Variants in LRMDA observed in about 807,000 individuals in gnomAD.
LRMDA encodes leucine-rich melanocyte differentiation-associated protein.
A neutral mutation model predicts 29.8 loss-of-function variants in LRMDA; 18 were observed. The ratio of observed to expected loss-of-function variants is 0.60; its 90% CI spans 0.42 to 0.90. The LOEUF (loss-of-function observed/expected upper bound fraction) is 0.90. LRMDA is among the 40% of genes least tolerant of loss of function. LRMDA has a pLI of 0.00. For synonymous variants in LRMDA, 125 were observed against 109.4 expected (o/e 1.14, Z -0.89); for missense variants, 273 against 273.9 (o/e 1.00, Z 0.02).
chr10:76,293,340 A>G (rs1840373130), intron 5 of LRMDA, among the ~76,000 whole-genome samples: 1 of 152,164 alleles, frequency 6.6e-6, no homozygotes, highest in Non-Finnish European at 1.5e-5. Flanking sequence ...CTTTAGCCCC[A>G]TGTCTGTAAA....
chr10:75,464,449 A>G (rs1374166123), intron 2 of LRMDA, among the ~76,000 whole-genome samples: 13 of 152,220 alleles, frequency 8.5e-5, no homozygotes. Flanking sequence ...CTGTATGCTT[A>G]GGGTTGGGCA....
At chr10:76,444,373 G>A (rs1396422590) in intron 6 of LRMDA, among the ~76,000 whole-genome samples, 1 of 152,284 alleles carries the variant, frequency 6.6e-6, no homozygotes, top group Non-Finnish European at 1.5e-5. Flanking sequence ...CAAAGGCTAT[G>A]GTAGAAGTGA....
At chr10:75,603,179 GT>G (rs397972323) in intron 2 of LRMDA, among the ~76,000 whole-genome samples, 278 of 143,530 alleles carry the variant, frequency 1.9e-3, no homozygotes, top group Middle Eastern at 0.011. Flanking sequence ...TCATCTTAAA[GT>G]TTTTTTTTTT....
intron 2 of LRMDA, among the ~76,000 whole-genome samples, chr10:75,714,030 C>A (rs1396274440): frequency 3.3e-5 from 5 of 152,130 alleles, no homozygotes; most frequent in Non-Finnish European, 7.4e-5. Flanking sequence ...TCCATAAAGT[C>A]TCCCTCCAAA....
chr10:76,019,813 T>G (rs1847939846), intron 2 of LRMDA, among the ~76,000 whole-genome samples: 1 of 152,194 alleles, frequency 6.6e-6, no homozygotes, highest in Admixed American at 6.5e-5. Context: ...CCAGTGGTTC[T>G]TTTACTGCAG....
intron 2 of LRMDA, among the ~76,000 whole-genome samples, chr10:75,646,495 A>G (rs568177527): frequency 2.0e-5 from 3 of 152,326 alleles, no homozygotes; most frequent in South Asian, 2.1e-4. Flanking sequence ...GCGAAGAGAT[A>G]TATTTAGTAC....
At chr10:76,301,384 T>A (rs1417002873) in intron 5 of LRMDA, among the ~76,000 whole-genome samples, 1 of 152,202 alleles carries the variant, frequency 6.6e-6, no homozygotes, top group Non-Finnish European at 1.5e-5. Context: ...ACAGAACAGA[T>A]CTTGGTAATG....
intron 2 of LRMDA, among the ~76,000 whole-genome samples, chr10:75,478,284 C>T (rs963161876): frequency 6.6e-6 from 1 of 152,312 alleles, no homozygotes; most frequent in Non-Finnish European, 1.5e-5. Context: ...CTTTGGAAAC[C>T]TAACCTCAGG....
chr10:76,218,680 C>T (rs1851772317), intron 5 of LRMDA, among the ~76,000 whole-genome samples: 1 of 152,140 alleles, frequency 6.6e-6, no homozygotes, highest in South Asian at 2.1e-4. Flanking sequence ...CCAGCCCCAC[C>T]TGGGAGGTGT....
At chr10:75,828,156 G>A (rs1164366941) in intron 2 of LRMDA, among the ~76,000 whole-genome samples, 1 of 152,110 alleles carries the variant, frequency 6.6e-6, no homozygotes, top group African/African-American at 2.4e-5. Context: ...GGTTTGAGAG[G>A]ATACTGCTCC....
At chr10:75,933,440 G>A (rs1846236422) in intron 2 of LRMDA, among the ~76,000 whole-genome samples, 1 of 152,194 alleles carries the variant, frequency 6.6e-6, no homozygotes, top group African/African-American at 2.4e-5. Flanking sequence ...TGGCTAAATT[G>A]TAGTCTTTGC....
chr10:76,471,315 T>C (rs1358953003), intron 6 of LRMDA, among the ~76,000 whole-genome samples: 2 of 151,820 alleles, frequency 1.3e-5, no homozygotes, highest in Non-Finnish European at 3.0e-5. Flanking sequence ...AGGAGGAAGA[T>C]GGAACAGAGC....
At position 76,363,157 on chromosome 10, in the gene LRMDA, GA is replaced by G. The variant is rs1365200533; in HGVS notation, c.601+38675del. On this transcript the variant is annotated intron_variant, in intron 6 of 6. Coordinates refer to ENST00000611255, the MANE Select transcript of LRMDA (RefSeq NM_001305581.2). ...AGAAAGAAAGAAAGAAAGAAAGAAA[GA>G]AAGAAAGAAAGAAAGAAAGGAGGGA... Among the ~76,000 whole-genome samples the G allele has an allele frequency of 4.6e-3, 179 of 38,900 alleles. 1 individual carries two copies. The highest frequency in any genetic ancestry group is 0.014 in the Middle Eastern group (1 of 70). The allele number at this position is 38,900 out of a possible 152,430, so 25.5% of individuals were successfully genotyped here.
intron 5 of LRMDA, among the ~76,000 whole-genome samples, chr10:76,269,463 C>T (rs183940353): frequency 5.9e-5 from 9 of 152,176 alleles, no homozygotes; most frequent in Non-Finnish European, 1.5e-5. Context: ...TATGCTGGTC[C>T]ATATAGAAGA....
chr10:76,529,434 C>T (rs955233408), intron 6 of LRMDA, among the ~76,000 whole-genome samples: 1 of 152,024 alleles, frequency 6.6e-6, no homozygotes, highest in Non-Finnish European at 1.5e-5. Flanking sequence ...TATGAGTGTC[C>T]CCATTTTACA....
At chr10:75,621,379 T>C (rs1841184103) in intron 2 of LRMDA, among the ~76,000 whole-genome samples, 2 of 152,354 alleles carry the variant, frequency 1.3e-5, no homozygotes, top group African/African-American at 4.8e-5. Flanking sequence ...TTTCCACACA[T>C]GTGTGTGCCT....
intron 5 of LRMDA, among the ~76,000 whole-genome samples, chr10:76,129,703 T>G (rs779073481): frequency 2.0e-5 from 3 of 152,180 alleles, no homozygotes; most frequent in Non-Finnish European, 4.4e-5. Context: ...ACAGTTCTGC[T>G]CTTTACCAGT....
chr10:76,192,416 C>G (rs1851262494), intron 5 of LRMDA, among the ~76,000 whole-genome samples: 1 of 152,166 alleles, frequency 6.6e-6, no homozygotes, highest in African/African-American at 2.4e-5. Flanking sequence ...AAAAATAGCC[C>G]TCCAAAAGGC....
chr10:75,554,508 G>A (rs970145190), intron 2 of LRMDA, among the ~76,000 whole-genome samples: 5 of 152,140 alleles, frequency 3.3e-5, no homozygotes, highest in African/African-American at 1.2e-4. Context: ...CCCCTCCTCT[G>A]TGCTAGGTAC....
Sources: allele counts gnomAD v4.1 joint callset (sites outside exome capture counted in the v4.1 genomes callset), GRCh38; gene constraint gnomAD v4.1.1; transcripts MANE v1.5; gene names NCBI Gene and HGNC (gene_info 2026-07-23, HGNC 2026-07-21).